TMTC2: variants seen among roughly 807,000 people sequenced by gnomAD.
TMTC2 encodes protein O-mannosyl-transferase TMTC2.
Under a neutral mutation model 82.4 loss-of-function variants are expected in TMTC2, and 43 were observed. The ratio of observed to expected loss-of-function variants is 0.52; its 90% CI spans 0.41 to 0.67. The LOEUF is 0.67. Among genes scored for constraint, TMTC2 ranks in the 30% least tolerant of loss-of-function variants. The pLI is 0.00. For missense variants in TMTC2, 919 were observed against 1,012.4 expected, an observed-to-expected ratio of 0.91 and a Z score of 1.25; for synonymous variants, 408 against 381.9, an observed-to-expected ratio of 1.07 and a Z score of -0.80.
intron 1 of TMTC2, among the ~76,000 whole-genome samples, chr12:82,816,585 C>G (rs1868745457): frequency 6.6e-6 from 1 of 152,056 alleles, no homozygotes; most frequent in African/African-American, 2.4e-5. Flanking sequence ...TATCAGACTT[C>G]TATTATCTTC....
intron 4 of TMTC2, among the ~76,000 whole-genome samples, chr12:82,945,946 C>A (rs537701067): frequency 6.6e-6 from 1 of 152,238 alleles, no homozygotes; most frequent in Admixed American, 6.5e-5. Context: ...TCATCTGCTG[C>A]TTATTTTTTC....
intron 1 of TMTC2, among the ~76,000 whole-genome samples, chr12:82,814,085 C>T (rs980012266): frequency 3.3e-5 from 5 of 152,066 alleles, no homozygotes; most frequent in African/African-American, 1.2e-4. Context: ...GAAGAAACCA[C>T]GGCTTATTGA....
chr12:82,947,734 T>C (rs1031691052), intron 4 of TMTC2, among the ~76,000 whole-genome samples: 3 of 152,142 alleles, frequency 2.0e-5, no homozygotes, highest in Non-Finnish European at 4.4e-5. Context: ...TGTTTTGTTT[T>C]AAAGAAAAGT....
At chr12:83,054,042 A>G (rs1005184530) in intron 10 of TMTC2, among the ~76,000 whole-genome samples, 2 of 152,040 alleles carry the variant, frequency 1.3e-5, no homozygotes, top group African/African-American at 4.8e-5. Flanking sequence ...TGTGAATGTG[A>G]TGTATGGCAT....
At chr12:82,993,053 C>T (rs183699730) in intron 8 of TMTC2, among the ~76,000 whole-genome samples, 13 of 152,116 alleles carry the variant, frequency 8.5e-5, no homozygotes, top group Middle Eastern at 3.4e-3. Flanking sequence ...GGCACGATTT[C>T]GGCTCACTGC....
chr12:82,823,881 G>C (rs1239155349), intron 1 of TMTC2, among the ~76,000 whole-genome samples: 1 of 151,334 alleles, frequency 6.6e-6, no homozygotes, highest in Non-Finnish European at 1.5e-5. Context: ...CCTTGTTGCT[G>C]GCCATTATTC....
intron 1 of TMTC2, among the ~76,000 whole-genome samples, chr12:82,805,136 CA>C (rs1276747932): frequency 4.0e-5 from 6 of 151,898 alleles, no homozygotes; most frequent in African/African-American, 1.5e-4. Flanking sequence ...GTAGAACTTT[CA>C]AAAAGAGGCA....
intron 4 of TMTC2, among the ~76,000 whole-genome samples, chr12:82,951,584 G>C (rs899340036): frequency 6.6e-6 from 1 of 152,152 alleles, no homozygotes; most frequent in Non-Finnish European, 1.5e-5. Context: ...GCCTCCCAAA[G>C]TGCTAAGATT....
chr12:82,852,018 A>G (rs1871000685), intron 1 of TMTC2, among the ~76,000 whole-genome samples: 1 of 152,146 alleles, frequency 6.6e-6, no homozygotes, highest in African/African-American at 2.4e-5. Flanking sequence ...TAAAGGAAAA[A>G]TCATAAGGCA....
At chr12:82,899,318 G>A (rs10862520) in intron 3 of TMTC2, among the ~76,000 whole-genome samples, 62,531 of 151,282 alleles carry the variant, frequency 0.41, 13,005 homozygotes, top group Middle Eastern at 0.5. Flanking sequence ...AGCTCTGGCC[G>A]AGAATTCTGA....
chr12:82,702,959 C>G (rs149548507), intron 1 of TMTC2, among the ~76,000 whole-genome samples: 268 of 152,204 alleles, frequency 1.8e-3, no homozygotes, highest in African/African-American at 5.7e-3. Context: ...CTGCAGTGAG[C>G]TGTGATTGTG....
chr12:82,966,896 ATTTT>A lies in TMTC2; in HGVS notation c.1870-18_1870-15del. 6.5e-7 allele frequency: 1 copy of A among 1,541,134 alleles called. No homozygotes were observed. The highest frequency in any genetic ancestry group is 8.9e-7 in the Non-Finnish European group (1 of 1,123,538). The stretch of plus-strand genomic sequence containing the variant: ...CCTGCACTTTATTGATGATTTATCT[ATTTT>A]TTTTGTTTTATAAATTAGGAAGCCC... On this transcript the variant is annotated intron_variant, in intron 6 of 11. Transcript: ENST00000321196.
chr12:83,035,261 C>G (rs1881614900), intron 9 of TMTC2, among the ~76,000 whole-genome samples: 1 of 152,120 alleles, frequency 6.6e-6, no homozygotes, highest in African/African-American at 2.4e-5. Flanking sequence ...GTTTTTGTAT[C>G]CACTAGTTTT....
chr12:82,926,761 A>G (rs774848699), intron 3 of TMTC2, among the ~76,000 whole-genome samples: 1 of 152,198 alleles, frequency 6.6e-6, no homozygotes, highest in Non-Finnish European at 1.5e-5. Flanking sequence ...AACATTCAAA[A>G]AATCCTAGGG....
At chr12:82,870,778 A>G (rs1326428663) in intron 2 of TMTC2, among the ~76,000 whole-genome samples, 3 of 152,222 alleles carry the variant, frequency 2.0e-5, no homozygotes, top group Admixed American at 6.5e-5. Flanking sequence ...TAAAAGTGAA[A>G]ATGACTCCAA....
intron 8 of TMTC2, among the ~76,000 whole-genome samples, chr12:83,018,529 AT>A (rs2137399044): frequency 6.6e-6 from 1 of 152,342 alleles, no homozygotes; most frequent in Non-Finnish European, 1.5e-5. Flanking sequence ...GGGTTTTCTA[AT>A]TGCACTAATT....
chr12:83,074,492 A>G (rs1034565808), intron 11 of TMTC2, among the ~76,000 whole-genome samples: 1 of 151,614 alleles, frequency 6.6e-6, no homozygotes, highest in African/African-American at 2.4e-5. Context: ...CTGAGCCCAG[A>G]CTCTCCTTGG....
chr12:82,739,529 T>A (rs1353490055), intron 1 of TMTC2, among the ~76,000 whole-genome samples: 1 of 152,130 alleles, frequency 6.6e-6, no homozygotes, highest in Admixed American at 6.6e-5. Flanking sequence ...ATGGGTGCCT[T>A]ATAATTAGGA....
chr12:83,034,138 T>G (rs1361243291), intron 9 of TMTC2, among the ~76,000 whole-genome samples: 1 of 152,132 alleles, frequency 6.6e-6, no homozygotes, highest in African/African-American at 2.4e-5. Flanking sequence ...CACACTGTTC[T>G]GTGTTCAGAA....
Sources: allele counts gnomAD v4.1 joint callset (sites outside exome capture counted in the v4.1 genomes callset), GRCh38; gene constraint gnomAD v4.1.1; transcripts MANE v1.5; gene names NCBI Gene and HGNC (gene_info 2026-07-23, HGNC 2026-07-21).